The following IL27RA variants were observed in gnomAD, a reference collection of about 807,000 sequenced individuals.
IL27RA encodes interleukin 27 receptor subunit alpha.
IL27RA carries 61 observed loss-of-function variants against 80.8 expected under a neutral mutation model. The ratio of observed to expected loss-of-function variants is 0.76; its 90% CI spans 0.61 to 0.93. The LOEUF is 0.93. Among genes scored for constraint, IL27RA ranks in the 40% least tolerant of loss-of-function variants. IL27RA has a pLI of 0.00. For synonymous variants in IL27RA, 316 were observed against 332.5 expected (o/e 0.95, Z 0.54); for missense variants, 735 against 808.1 (o/e 0.91, Z 1.10).
intron 10 of IL27RA, 117 bp downstream of exon 10, chr19:14,049,431 C>T: frequency 2.1e-6 from 2 of 942,960 alleles, no homozygotes; most frequent in South Asian, 2.1e-5. Context: ...ACATGGTGTC[C>T]TCAATTCCCT....
chr19:14,039,037 C>G (rs189705911), intron 2 of IL27RA, among the ~76,000 whole-genome samples: 3 of 151,414 alleles, frequency 2.0e-5, no homozygotes, highest in Non-Finnish European at 4.4e-5. Flanking sequence ...GTAATCTTAG[C>G]AATTTGGGAG....
At position 14,046,341 on chromosome 19, in the gene IL27RA, AGAGACT is replaced by A. The variant is rs1342971104; in HGVS notation, c.952+6_952+11del. 6.2e-7 allele frequency: 1 copy of A among 1,613,570 alleles called. No individual in the cohort carries two copies. Among genetic ancestry groups the A allele is most frequent in the East Asian group, 2.2e-5 (1 of 44,862 alleles). Reference sequence around the variant, plus strand: ...AACCTCTCTTTGGTCTGCTTGGGTAAGAGACTGTGACCTTCCTCAGCTCGGTGCCCT... The same window carrying A: ...AACCTCTCTTTGGTCTGCTTGGGTAAGTGACCTTCCTCAGCTCGGTGCCCT... On this transcript the variant is annotated splice_donor_5th_base_variant and intron_variant, in intron 7 of 13. Coordinates refer to ENST00000263379, the MANE Select transcript of IL27RA (RefSeq NM_004843.4).
chr19:14,042,365 AC>A, intron 4 of IL27RA, 87 bp from the exon 5 acceptor site: 1 of 1,426,634 alleles, frequency 7.0e-7, no homozygotes, highest in East Asian at 2.3e-5. Flanking sequence ...CTGTCTCAAA[AC>A]GAAAAACAAA....
At chr19:14,044,665 G>A (rs1239815935) in intron 6 of IL27RA, among the ~76,000 whole-genome samples, 3 of 151,856 alleles carry the variant, frequency 2.0e-5, no homozygotes, top group African/African-American at 7.3e-5. Context: ...CACAGGTGCA[G>A]GATCAAATCC....
chr19:14,038,987 A>G (rs1299451484), intron 2 of IL27RA, among the ~76,000 whole-genome samples: 1 of 151,740 alleles, frequency 6.6e-6, no homozygotes, highest in Non-Finnish European at 1.5e-5. Flanking sequence ...AAAGAGAGAG[A>G]GAAAAGAGCA....
Position 14,052,264 on chromosome 19 carries a change from C to A in IL27RA, c.1885C>A (p.Pro629Thr), listed in dbSNP as rs777910082. The change falls in exon 14 of 14, where the codon CCC becomes ACC. Residue 629 changes from proline (P) to threonine (T), a missense_variant. Transcript: ENST00000263379. ...ACCTGAGGAGCTGGGCCTTCTGGGG[C>A]CCCCCAGGCCACAGGTTCTGGCCTG... ...PTPEELGLLG[P>T]PRPQVLA The A allele has an allele frequency of 2.0e-5, 31 of 1,535,222 alleles. No homozygotes were observed. The highest frequency in any genetic ancestry group is 2.2e-5 in the Non-Finnish European group (25 of 1,144,044).
At chr19:14,036,017 G>A (rs545550150) in intron 2 of IL27RA, among the ~76,000 whole-genome samples, 35 of 150,720 alleles carry the variant, frequency 2.3e-4, no homozygotes, top group Non-Finnish European at 4.9e-4. Flanking sequence ...GAGGCAGAAG[G>A]ATGGCTTGAG....
At chr19:14,032,258 TC>T in intron 1 of IL27RA, 127 bp from the exon 2 acceptor site, 1 of 777,712 alleles carries the variant, frequency 1.3e-6, no homozygotes, top group Non-Finnish European at 2.1e-6. Context: ...GCCTAGCGCC[TC>T]CCTTCCTGCT....
At chr19:14,034,645 G>C (rs150803264) in intron 2 of IL27RA, among the ~76,000 whole-genome samples, 24,888 of 140,100 alleles carry the variant, frequency 0.18, 2,251 homozygotes, top group South Asian at 0.35. Context: ...GGGTGACAGA[G>C]CAAGACTCTG....
rs965479216 is a variant in IL27RA at position 14,052,275 on chromosome 19, A to T, written c.1896A>T (p.Pro632=). ...EELGLLGPPR[P]QVLA ...TGGGCCTTCTGGGGCCCCCCAGGCC[A>T]CAGGTTCTGGCCTGAACCACACGTC... Residue 632 remains proline (P), a synonymous_variant, in exon 14 of 14, where the codon CCA becomes CCT. Coordinates refer to ENST00000263379, the MANE Select transcript of IL27RA (RefSeq NM_004843.4). 2.0e-6 allele frequency: 3 copies of T among 1,528,394 alleles called. No homozygotes were observed. The highest frequency in any genetic ancestry group is 1.8e-6 in the Non-Finnish European group (2 of 1,140,634). The allele number at this position is 1,528,394 out of a possible 1,614,324, so 94.7% of individuals were successfully genotyped here.
intron 6 of IL27RA, among the ~76,000 whole-genome samples, chr19:14,043,094 A>T (rs1457425841): frequency 1.3e-5 from 2 of 151,740 alleles, no homozygotes; most frequent in African/African-American, 4.8e-5. Flanking sequence ...GTGAGCCGAG[A>T]TCACACCACT....
intron 6 of IL27RA, among the ~76,000 whole-genome samples, chr19:14,043,971 C>G (rs1205641357): frequency 6.8e-6 from 1 of 147,306 alleles, no homozygotes; most frequent in East Asian, 2.1e-4. Flanking sequence ...TCGCTTGAAC[C>G]TGGGAGGTGG....
At chr19:14,037,371 C>T (rs1160977366) in intron 2 of IL27RA, among the ~76,000 whole-genome samples, 3 of 151,938 alleles carry the variant, frequency 2.0e-5, no homozygotes, top group Non-Finnish European at 4.4e-5. Flanking sequence ...AGTGATTCTC[C>T]TGCCTCCCAA....
At chr19:14,037,849 T>TTTTTTTTTTTTA (rs1975928802) in intron 2 of IL27RA, among the ~76,000 whole-genome samples, 1 of 149,626 alleles carries the variant, frequency 6.7e-6, no homozygotes, top group African/African-American at 2.5e-5. Flanking sequence ...TTTTTTTTTT[T>TTTTTTTTTTTTA]GAAATGGAGT....
intron 2 of IL27RA, among the ~76,000 whole-genome samples, chr19:14,038,896 AAAAG>A (rs777219075): frequency 2.6e-5 from 4 of 151,134 alleles, no homozygotes; most frequent in African/African-American, 7.3e-5. Flanking sequence ...AAAGAAAAAA[AAAAG>A]AGAGAGAGAA....
chr19:14,038,561 T>G (rs1599298164), intron 2 of IL27RA, among the ~76,000 whole-genome samples: 3 of 114,928 alleles, frequency 2.6e-5, no homozygotes, highest in Admixed American at 9.3e-5. Context: ...AGTGAGGTCG[T>G]GTCTCTAAAA....
chr19:14,045,120 CAAA>C (rs35398034), intron 6 of IL27RA, among the ~76,000 whole-genome samples: 6 of 94,566 alleles, frequency 6.3e-5, no homozygotes, highest in Non-Finnish European at 4.5e-5. Context: ...ACTCTGTCTC[CAAA>C]AAAAAAAAAA....
intron 2 of IL27RA, among the ~76,000 whole-genome samples, chr19:14,038,611 G>A (rs943965378): frequency 2.7e-5 from 4 of 150,890 alleles, no homozygotes; most frequent in South Asian, 4.2e-4. Flanking sequence ...AGGGCCGGGC[G>A]CAGTGGCTCA....
At chr19:14,041,857 G>A (rs1975993402) in intron 4 of IL27RA, among the ~76,000 whole-genome samples, 1 of 152,010 alleles carries the variant, frequency 6.6e-6, no homozygotes, top group Admixed American at 6.6e-5. Context: ...CCTAAGGTCA[G>A]GAGTTCAAGA....
Sources: gnomAD v4.1 joint callset for allele counts (sites outside exome capture counted in the v4.1 genomes callset) on GRCh38, gnomAD v4.1.1 for gene constraint, MANE v1.5 for transcripts, NCBI Gene and HGNC (gene_info 2026-07-23, HGNC 2026-07-21) for gene names.